L3MBTL3: variants seen among roughly 807,000 people sequenced by gnomAD.
The protein encoded by L3MBTL3 is L3MBTL histone methyl-lysine binding protein 3.
A neutral mutation model predicts 102.3 loss-of-function variants in L3MBTL3; 27 were observed. The ratio of observed to expected loss-of-function variants is 0.26; its 90% CI spans 0.19 to 0.36. The LOEUF is 0.36. Ranked by LOEUF, L3MBTL3 falls within the 10% of genes least tolerant of loss-of-function variation. The probability of loss-of-function intolerance (pLI) is 1.00; values close to 1 mark genes in which losing one functional copy is unlikely to be tolerated. For synonymous variants in L3MBTL3, 340 were observed against 320.9 expected (o/e 1.06, Z -0.64); for missense variants, 798 against 955.3 (o/e 0.84, Z 2.17).
At chr6:130,030,916 T>C (rs529310475) in intron 2 of L3MBTL3, among the ~76,000 whole-genome samples, 1 of 152,298 alleles carries the variant, frequency 6.6e-6, no homozygotes, top group South Asian at 2.1e-4. Flanking sequence ...TAATATCCTT[T>C]AAAATGACAA....
chr6:130,090,634 C>T (rs141257653), intron 16 of L3MBTL3, among the ~76,000 whole-genome samples: 1 of 152,158 alleles, frequency 6.6e-6, no homozygotes, highest in East Asian at 1.9e-4. Flanking sequence ...CTCACTCTGT[C>T]GCCTAGGCTG....
At chr6:130,111,220 T>TC (rs1785326782) in intron 19 of L3MBTL3, among the ~76,000 whole-genome samples, 1 of 152,210 alleles carries the variant, frequency 6.6e-6, no homozygotes, top group Non-Finnish European at 1.5e-5. Flanking sequence ...GTCACGCTGG[T>TC]TACCACCATG....
chr6:130,087,099 G>C (rs1370135333), intron 16 of L3MBTL3, among the ~76,000 whole-genome samples: 1 of 152,086 alleles, frequency 6.6e-6, no homozygotes, highest in African/African-American at 2.4e-5. Context: ...GTTCTAAGCT[G>C]TAGGAGTCTT....
intron 19 of L3MBTL3, 39 bp downstream of exon 19, chr6:130,104,614 T>A (rs768105247): frequency 3.6e-6 from 5 of 1,393,400 alleles, no homozygotes; most frequent in Non-Finnish European, 4.8e-6. Context: ...TTAGAAGTAC[T>A]CTAATTTAAA....
chr6:130,086,798 A>G (rs1783716558), intron 16 of L3MBTL3, among the ~76,000 whole-genome samples: 1 of 152,190 alleles, frequency 6.6e-6, no homozygotes, highest in Non-Finnish European at 1.5e-5. Flanking sequence ...TCAGGAAAGG[A>G]GCCAGAAGAG....
At chr6:130,056,514 T>G (rs1247847501) in intron 8 of L3MBTL3, among the ~76,000 whole-genome samples, 2 of 152,178 alleles carry the variant, frequency 1.3e-5, no homozygotes, top group African/African-American at 4.8e-5. Flanking sequence ...CTTGTTCTGT[T>G]AATTCCTCAA....
intron 2 of L3MBTL3, among the ~76,000 whole-genome samples, chr6:130,025,902 C>A (rs1047365840): frequency 1.3e-5 from 2 of 152,050 alleles, no homozygotes; most frequent in Admixed American, 1.3e-4. Flanking sequence ...ACAAAGACAT[C>A]GAGCATCAAT....
intron 9 of L3MBTL3, among the ~76,000 whole-genome samples, chr6:130,057,782 G>A (rs907679045): frequency 2.0e-5 from 3 of 152,138 alleles, no homozygotes; most frequent in African/African-American, 7.2e-5. Context: ...ATACTACCAC[G>A]AAACACTAGC....
chr6:130,115,324 A>G (rs74649126), intron 19 of L3MBTL3, among the ~76,000 whole-genome samples: 4 of 152,204 alleles, frequency 2.6e-5, no homozygotes, highest in African/African-American at 7.2e-5. Context: ...ATAACTGTCA[A>G]TCCGAGCTTC....
At chr6:130,068,496 A>G in intron 12 of L3MBTL3, 75 bp downstream of exon 12, 1 of 742,492 alleles carries the variant, frequency 1.3e-6, no homozygotes, top group Non-Finnish European at 2.4e-6. Flanking sequence ...ATTACAAGTG[A>G]TAACAAGGAA....
rs1156621633 is a variant in L3MBTL3 at position 130,139,590 on chromosome 6, G to A, written c.2200-20G>A. 6.2e-7 allele frequency: 1 copy of A among 1,608,016 alleles called. No homozygotes were observed. Among genetic ancestry groups the A allele is most frequent in the Non-Finnish European group, 8.5e-7 (1 of 1,175,226 alleles). ...GCATCTTGTTAATCCACATTCTGTT[G>A]TTTTTTTCCCCCATTTTAGCAAATT... On this transcript the variant is annotated intron_variant, in intron 22 of 22. Coordinates refer to ENST00000361794, the MANE Select transcript of L3MBTL3 (RefSeq NM_032438.4).
In L3MBTL3 at chr6:130,083,713, G is replaced by T; in HGVS notation, c.1407+8G>T. The T allele has an allele frequency of 6.9e-7, 1 of 1,441,838 alleles. No homozygotes were observed. The highest frequency in any genetic ancestry group is 1.2e-5 in the South Asian group (1 of 82,454). The allele number at this position is 1,441,838 out of a possible 1,614,324, so 89.3% of individuals were successfully genotyped here. ...GCAAGAGCTTTCAAAGTGGTAAGAT[G>T]ATACATTTTATTAATTTGCGTGGAT... On this transcript the variant is annotated splice_region_variant and intron_variant, in intron 15 of 22. Transcript: ENST00000361794.
intron 19 of L3MBTL3, among the ~76,000 whole-genome samples, chr6:130,113,395 G>A (rs755217885): frequency 4.6e-5 from 7 of 152,112 alleles, no homozygotes; most frequent in South Asian, 2.1e-4. Context: ...GGGAAACATC[G>A]GGCATCCATC....
rs375128657 is a variant in L3MBTL3 at position 130,086,266 on chromosome 6, G to A, written c.1518+16G>A. On this transcript the variant is annotated intron_variant, in intron 16 of 22. Coordinates refer to ENST00000361794, the MANE Select transcript of L3MBTL3 (RefSeq NM_032438.4). ...CCGGGTAAAAGTAAGTGTTCTGTGTGGGGGGTTGGCTTTGTCTTTTGTTAT... is the reference window on the plus strand; with the variant it reads ...CCGGGTAAAAGTAAGTGTTCTGTGTAGGGGGTTGGCTTTGTCTTTTGTTAT... 5 of 1,510,418 alleles carry A rather than the reference G, an allele frequency of 3.3e-6. No individual in the cohort carries two copies. Among genetic ancestry groups the A allele is most frequent in the Admixed American group, 3.8e-5 (2 of 53,030 alleles). 93.6% of individuals were successfully genotyped at this position (1,510,418 alleles called of 1,614,324 possible).
intron 20 of L3MBTL3, among the ~76,000 whole-genome samples, chr6:130,129,035 C>T (rs925224205): frequency 2.0e-5 from 3 of 152,188 alleles, no homozygotes; most frequent in African/African-American, 2.4e-5. Flanking sequence ...TTCCTTATAC[C>T]GTGCAATATC....
rs181847204 is a variant in L3MBTL3 at position 130,060,523 on chromosome 6, A to G, written c.864+383A>G. 3.6e-3 allele frequency among the ~76,000 whole-genome samples: 545 copies of G among 152,152 alleles called. 2 individuals are homozygous for G. Among genetic ancestry groups the G allele is most frequent in the Non-Finnish European group, 5.1e-3 (348 of 67,998 alleles). ...CTCTGTGAAATTTTTCAGGAAAAAA[A>G]TGACCAAGCCAAATATATGAATATA... On this transcript the variant is annotated intron_variant, in intron 10 of 22. Coordinates refer to ENST00000361794, the MANE Select transcript of L3MBTL3 (RefSeq NM_032438.4).
intron 19 of L3MBTL3, among the ~76,000 whole-genome samples, chr6:130,116,579 G>A (rs555972444): frequency 8.5e-5 from 13 of 152,096 alleles, no homozygotes; most frequent in African/African-American, 2.7e-4. Context: ...ATAGTGACAC[G>A]CTGTTTCTAC....
At chr6:130,096,330 A>T (rs1437500632) in intron 18 of L3MBTL3, among the ~76,000 whole-genome samples, 1 of 152,210 alleles carries the variant, frequency 6.6e-6, no homozygotes, top group Non-Finnish European at 1.5e-5. Context: ...AAAACATAAG[A>T]TACCAAATAA....
rs1223525991 is a variant in L3MBTL3 at position 130,104,571 on chromosome 6, A to T, written c.1882A>T (p.Ile628Phe). ...AAATGAAAGCTCTTCTTCCCCTGAA[A>T]TCAGGTAATCAAAGAGCTAATATTA... ...DANESSSSPE[I>F]RDQHADDVKE... The change falls in exon 19 of 23, where the codon ATC becomes TTC. Residue 628 changes from isoleucine (I) to phenylalanine (F), a missense_variant. This residue lies in a region of L3MBTL3 where 306 missense variants were observed against 314.4 expected (regional missense o/e 0.97). Coordinates refer to ENST00000361794, the MANE Select transcript of L3MBTL3 (RefSeq NM_032438.4). 2 of 1,561,696 alleles carry T rather than the reference A, an allele frequency of 1.3e-6. No homozygotes were observed.
Sources: gnomAD v4.1 joint callset for allele counts (sites outside exome capture counted in the v4.1 genomes callset) on GRCh38, gnomAD v4.1.1 for gene constraint, gnomAD v4.1.1 regional missense constraint, MANE v1.5 for transcripts, NCBI Gene and HGNC (gene_info 2026-07-23, HGNC 2026-07-21) for gene names.